SAXO1: variants seen among roughly 807,000 people sequenced by gnomAD.
SAXO1 encodes 4930500O09Rik.
SAXO1 carries 21 observed loss-of-function variants against 17.5 expected under a neutral mutation model. That is an observed-to-expected ratio of 1.20 (90% confidence interval 0.85 to 1.72). The LOEUF is 1.72. SAXO1 is among the 40% of genes most tolerant of loss of function. The pLI, the probability that SAXO1 is intolerant of heterozygous loss-of-function variation, is 0.00. For missense variants in SAXO1, 843 were observed against 596.0 expected, an observed-to-expected ratio of 1.41 and a Z score of -4.32; for synonymous variants, 274 against 216.5, an observed-to-expected ratio of 1.27 and a Z score of -2.33.
intron 1 of SAXO1, among the ~76,000 whole-genome samples, chr9:18,969,741 T>C (rs1442959864): frequency 7.9e-5 from 12 of 152,224 alleles, no homozygotes; most frequent in Admixed American, 3.9e-4. Flanking sequence ...ACTCAGTTTC[T>C]AGAGCTTTGC....
rs142370607 is a variant in SAXO1, at chr9:19,044,279, T to A, written c.-158+4930A>T. On this transcript the variant is annotated intron_variant, in intron 1 of 3. Coordinates refer to the SAXO1 transcript ENST00000542071. ...CATGTACCTCATAAATATATACACC[T>A]ACTATGTACCCACAAAAATTAAAAA... Among the ~76,000 whole-genome samples, 502 of 152,310 alleles carry A rather than the reference T, an allele frequency of 3.3e-3. 3 individuals carry two copies. The highest frequency in any genetic ancestry group is 0.011 in the African/African-American group (476 of 41,560).
At chr9:18,989,406 T>C (rs756824656) in intron 1 of SAXO1, among the ~76,000 whole-genome samples, 1 of 152,190 alleles carries the variant, frequency 6.6e-6, no homozygotes, top group Non-Finnish European at 1.5e-5. Context: ...TTTAGGTATA[T>C]TGATGTTATC....
chr9:19,014,502 T>TA (rs201889233), intron 1 of SAXO1, among the ~76,000 whole-genome samples: 5,791 of 139,708 alleles, frequency 0.041, 143 homozygotes, highest in Non-Finnish European at 0.06. Context: ...TTTTAAAAAT[T>TA]TAAAAAAAAA....
intron 1 of SAXO1, among the ~76,000 whole-genome samples, chr9:18,961,769 G>A (rs576842533): frequency 2.0e-5 from 3 of 152,150 alleles, no homozygotes; most frequent in Non-Finnish European, 2.9e-5. Flanking sequence ...CCAAGTCTTT[G>A]CTATTGTGAA....
chr9:18,980,567 G>C (rs1175916335), intron 1 of SAXO1, among the ~76,000 whole-genome samples: 1 of 143,464 alleles, frequency 7.0e-6, no homozygotes, highest in South Asian at 2.2e-4. Flanking sequence ...AAGAAGAGGA[G>C]GAGGAGGAGG....
At chr9:19,029,999 C>A (rs879410893) in intron 1 of SAXO1, among the ~76,000 whole-genome samples, 1 of 152,106 alleles carries the variant, frequency 6.6e-6, no homozygotes, top group African/African-American at 2.4e-5. Context: ...GTTTTCCCAG[C>A]GTACATATAA....
At chr9:18,987,958 C>CTGAAT (rs1048495952) in intron 1 of SAXO1, among the ~76,000 whole-genome samples, 1 of 151,662 alleles carries the variant, frequency 6.6e-6, no homozygotes, top group Non-Finnish European at 1.5e-5. Context: ...ATCTTCATAA[C>CTGAAT]TGATGACTGA....
chr9:19,014,322 C>T, intron 1 of SAXO1, among the ~76,000 whole-genome samples: 1 of 151,530 alleles, frequency 6.6e-6, no homozygotes, highest in Non-Finnish European at 1.5e-5. Context: ...CTTAGCTGGG[C>T]GTGGGGGTGG....
intron 1 of SAXO1, among the ~76,000 whole-genome samples, chr9:19,010,543 C>A (rs555258492): frequency 1.3e-5 from 2 of 151,862 alleles, no homozygotes; most frequent in Admixed American, 1.3e-4. Flanking sequence ...GCAGAAAGAT[C>A]CTGACCACCC....
intron 1 of SAXO1, among the ~76,000 whole-genome samples, chr9:19,015,880 T>C (rs1834954219): frequency 6.6e-6 from 1 of 152,144 alleles, no homozygotes; most frequent in Non-Finnish European, 1.5e-5. Flanking sequence ...CCCACCTGCA[T>C]CTGAATCACC....
At chr9:18,991,273 T>A (rs1292165712) in intron 1 of SAXO1, among the ~76,000 whole-genome samples, 1 of 152,126 alleles carries the variant, frequency 6.6e-6, no homozygotes, top group African/African-American at 2.4e-5. Context: ...ACACTTATGT[T>A]TACTGCAGCA....
chr9:19,045,962 C>A (rs1317610508), intron 1 of SAXO1, among the ~76,000 whole-genome samples: 5 of 151,892 alleles, frequency 3.3e-5, no homozygotes, highest in African/African-American at 4.8e-5. Context: ...GGGCGCATGC[C>A]TGTAATCCCA....
intron 1 of SAXO1, among the ~76,000 whole-genome samples, chr9:19,044,150 AC>A (rs1335953232): frequency 2.0e-5 from 3 of 148,070 alleles, no homozygotes; most frequent in Non-Finnish European, 4.5e-5. Context: ...AAAAAAAAAA[AC>A]AATTGGATTG....
At chr9:19,042,089 T>C (rs1451581045) in intron 1 of SAXO1, among the ~76,000 whole-genome samples, 1 of 133,758 alleles carries the variant, frequency 7.5e-6, no homozygotes, top group Non-Finnish European at 1.6e-5. Context: ...CAAACAACTC[T>C]ATGGGAAAAA....
At chr9:18,953,470 A>G (rs772921807) in intron 1 of SAXO1, among the ~76,000 whole-genome samples, 5 of 152,246 alleles carry the variant, frequency 3.3e-5, no homozygotes, top group Non-Finnish European at 5.9e-5. Context: ...GTTCCATTAA[A>G]TGGAATTATA....
At chr9:18,978,059 A>T (rs1052153927) in intron 1 of SAXO1, among the ~76,000 whole-genome samples, 1 of 151,256 alleles carries the variant, frequency 6.6e-6, no homozygotes, top group African/African-American at 2.4e-5. Context: ...GGGTGGAACT[A>T]GATCTTATCA....
intron 1 of SAXO1, among the ~76,000 whole-genome samples, chr9:18,956,110 ATTTTTTTTTTTTT>A (rs34950206): frequency 7.8e-6 from 1 of 128,812 alleles, no homozygotes; most frequent in African/African-American, 3.0e-5. Flanking sequence ...AACCTGGCTA[ATTTTTTTTTTTTT>A]TTTTTTTTGT....
At chr9:18,929,198 A>C in intron 3 of SAXO1, 143 bp from the exon 4 acceptor site, 3 of 931,548 alleles carry the variant, frequency 3.2e-6, no homozygotes, top group South Asian at 3.5e-5. Context: ...CCCTGCTACC[A>C]CTTCATTCAA....
At chr9:18,954,089 G>A (rs1832144707) in intron 1 of SAXO1, among the ~76,000 whole-genome samples, 1 of 152,112 alleles carries the variant, frequency 6.6e-6, no homozygotes, top group Admixed American at 6.5e-5. Flanking sequence ...ATACCCAGAT[G>A]GATCCATAGG....
Sources: allele counts gnomAD v4.1 joint callset (sites outside exome capture counted in the v4.1 genomes callset), GRCh38; gene constraint gnomAD v4.1.1; transcripts MANE v1.5; gene names NCBI Gene and HGNC (gene_info 2026-07-23, HGNC 2026-07-21).